Variants in MALRD1 observed in about 807,000 individuals in gnomAD.
MALRD1 encodes MAM and LDL receptor class A domain containing 1.
A neutral mutation model predicts 242.1 loss-of-function variants in MALRD1; 247 were observed. That is an observed-to-expected ratio of 1.02 (90% confidence interval 0.92 to 1.13). The LOEUF (loss-of-function observed/expected upper bound fraction) is 1.13. Among genes scored for constraint, MALRD1 ranks in the 50% most tolerant of loss-of-function variants. The pLI, the probability that MALRD1 is intolerant of heterozygous loss-of-function variation, is 0.00. For missense variants in MALRD1, 2,989 were observed against 2,533.1 expected (o/e 1.18, Z -3.86); for synonymous variants, 995 against 866.6 (o/e 1.15, Z -2.60).
chr10:19,524,486 T>G (rs1834011144), intron 31 of MALRD1, among the ~76,000 whole-genome samples: 1 of 151,572 alleles, frequency 6.6e-6, no homozygotes, highest in Non-Finnish European at 1.5e-5. Context: ...AAATTGCAGA[T>G]GCACGTTGGA....
chr10:19,565,155 G>A (rs1044392557), intron 32 of MALRD1, among the ~76,000 whole-genome samples: 72 of 152,088 alleles, frequency 4.7e-4, no homozygotes, highest in Non-Finnish European at 8.4e-4. Context: ...GTCAAATAAT[G>A]GGGTAAGATG....
chr10:19,124,421 G>A (rs1450304135), intron 6 of MALRD1, 103 bp from the exon 7 acceptor site: 1 of 943,582 alleles, frequency 1.1e-6, no homozygotes, highest in Non-Finnish European at 1.4e-6. Context: ...GTGCTGATGT[G>A]TATGTGTGTA....
chr10:19,190,852 C>G (rs562013697), intron 14 of MALRD1, among the ~76,000 whole-genome samples: 2 of 152,100 alleles, frequency 1.3e-5, no homozygotes, highest in Admixed American at 6.5e-5. Context: ...CTATAAAACT[C>G]TTAGAAGAAA....
At chr10:19,661,362 A>G (rs1461483172) in intron 36 of MALRD1, among the ~76,000 whole-genome samples, 2 of 152,328 alleles carry the variant, frequency 1.3e-5, no homozygotes, top group African/African-American at 4.8e-5. Context: ...ACTATTCACA[A>G]TAGCAAAGAC....
rs758714712 is a variant in MALRD1, at chr10:19,205,228, G to A, written c.2541G>A (p.Val847=). The A allele has an allele frequency of 8.4e-6, 13 of 1,550,888 alleles. No homozygotes were observed. In the African/African-American group the frequency reaches 1.6e-4, roughly 20 times the overall value. ...CIEKLRLCDL[V]DDCGDRTDEV... is the part of the protein sequence containing the mutation. ...AAAAGCTTCGGTTATGTGATCTGGT[G>A]GATGACTGTGGTGATCGTACTGATG... Residue 847 remains valine (V), a synonymous_variant, in exon 17 of 40, where the codon GTG becomes GTA. Transcript: ENST00000454679.
chr10:19,087,705 A>G (rs1247757959), intron 2 of MALRD1, 135 bp from the exon 3 acceptor site: 2 of 422,220 alleles, frequency 4.7e-6, no homozygotes, highest in Non-Finnish European at 8.0e-6. Context: ...AAACAATCCA[A>G]TCACGCTCTT....
rs188228878 is a variant in MALRD1 at position 19,161,440 on chromosome 10, A to G, written c.1657-4197A>G. Among the ~76,000 whole-genome samples, 615 of 136,600 alleles carry G rather than the reference A, an allele frequency of 4.5e-3. 15 individuals are homozygous for G. Among genetic ancestry groups the G allele is most frequent in the South Asian group, 0.023 (103 of 4,410 alleles). 89.6% of individuals were successfully genotyped at this position (136,600 alleles called of 152,430 possible). ...AGTGGGTGCAGCGCACCAGCGTGGC[A>G]CATGTATACATATGTAACTAACCTG... On this transcript the variant is annotated intron_variant, in intron 12 of 39. Coordinates refer to ENST00000454679, the MANE Select transcript of MALRD1 (RefSeq NM_001142308.3).
intron 5 of MALRD1, among the ~76,000 whole-genome samples, chr10:19,114,657 T>A (rs987516168): frequency 3.3e-5 from 5 of 152,242 alleles, no homozygotes; most frequent in Non-Finnish European, 7.4e-5. Context: ...TAAAAAGACT[T>A]CTTTTCACAT....
chr10:19,590,535 G>C (rs1408810162), intron 33 of MALRD1, among the ~76,000 whole-genome samples: 1 of 151,576 alleles, frequency 6.6e-6, no homozygotes, highest in Admixed American at 6.6e-5. Flanking sequence ...CAGCTTCCCA[G>C]GGAACCTGGC....
Position 19,202,004 on chromosome 10 carries a change from C to T in MALRD1, c.1952-1724C>T, listed in dbSNP as rs60110845. On this transcript the variant is annotated intron_variant, in intron 14 of 39. Transcript: ENST00000454679. ...CTAATTTTTGTATTTTTAGTAGAGA[C>T]GGGGTTTCACCATATTGGCCAGGAT... 9.6e-3 allele frequency among the ~76,000 whole-genome samples: 1,459 copies of T among 151,992 alleles called. 26 individuals are homozygous for T. The highest frequency in any genetic ancestry group is 0.033 in the African/African-American group (1,376 of 41,456).
intron 19 of MALRD1, among the ~76,000 whole-genome samples, chr10:19,261,967 G>C (rs866175020): frequency 3.3e-5 from 5 of 151,918 alleles, no homozygotes; most frequent in Non-Finnish European, 7.4e-5. Flanking sequence ...GTGTTGACTT[G>C]AATGAAAAAC....
At chr10:19,379,871 C>A (rs1845761142) in intron 26 of MALRD1, among the ~76,000 whole-genome samples, 1 of 152,034 alleles carries the variant, frequency 6.6e-6, no homozygotes, top group Admixed American at 6.6e-5. Flanking sequence ...GGTGGTGATA[C>A]TTCCAAATAA....
chr10:19,564,109 T>G (rs3864838), intron 32 of MALRD1, among the ~76,000 whole-genome samples: 3 of 152,054 alleles, frequency 2.0e-5, no homozygotes, highest in African/African-American at 7.3e-5. Flanking sequence ...TTTCTTAAGT[T>G]TTACCCAGTC....
At chr10:19,142,437 T>C (rs995195911) in intron 10 of MALRD1, among the ~76,000 whole-genome samples, 2 of 152,192 alleles carry the variant, frequency 1.3e-5, no homozygotes, top group Admixed American at 6.5e-5. Context: ...AATATTTTAC[T>C]TTTCATGATC....
intron 5 of MALRD1, among the ~76,000 whole-genome samples, chr10:19,121,706 G>A (rs1188568568): frequency 6.6e-6 from 1 of 152,112 alleles, no homozygotes; most frequent in African/African-American, 2.4e-5. Context: ...TCCAGAGAAG[G>A]GCATGGAGAG....
At chr10:19,607,500 G>A (rs766925619) in intron 34 of MALRD1, among the ~76,000 whole-genome samples, 1 of 152,006 alleles carries the variant, frequency 6.6e-6, no homozygotes, top group East Asian at 1.9e-4. Flanking sequence ...TGCGGGTTAG[G>A]GTTTCAAGAT....
intron 32 of MALRD1, among the ~76,000 whole-genome samples, chr10:19,540,614 A>G (rs1343406909): frequency 2.0e-5 from 3 of 152,188 alleles, no homozygotes; most frequent in African/African-American, 7.2e-5. Flanking sequence ...ATGAGCTGCT[A>G]AAAAGGCTCT....
chr10:19,312,011 G>T (rs553307365), intron 21 of MALRD1, among the ~76,000 whole-genome samples: 2 of 151,336 alleles, frequency 1.3e-5, no homozygotes, highest in African/African-American at 4.8e-5. Context: ...TCCATCACAG[G>T]CCATGATGCT....
intron 33 of MALRD1, among the ~76,000 whole-genome samples, chr10:19,581,403 C>T (rs1156668121): frequency 4.4e-5 from 6 of 136,434 alleles, no homozygotes; most frequent in South Asian, 2.4e-4. Flanking sequence ...CAGAGTGTGA[C>T]GTTCCCCTTC....
Sources: gnomAD v4.1 joint callset for allele counts (sites outside exome capture counted in the v4.1 genomes callset) on GRCh38, gnomAD v4.1.1 for gene constraint, MANE v1.5 for transcripts, NCBI Gene and HGNC (gene_info 2026-07-23, HGNC 2026-07-21) for gene names.